The following RASAL2 variants were observed in gnomAD, a reference collection of about 807,000 sequenced individuals.
The protein encoded by RASAL2 is ras GTPase-activating protein nGAP.
A neutral mutation model predicts 128.9 loss-of-function variants in RASAL2; 58 were observed. The ratio of observed to expected loss-of-function variants is 0.45; its 90% CI spans 0.36 to 0.56. RASAL2 has a LOEUF of 0.56. Among genes scored for constraint, RASAL2 ranks in the 20% least tolerant of loss-of-function variants. RASAL2 has a pLI of 0.00. For missense variants in RASAL2, 1,360 were observed against 1,601.6 expected, an observed-to-expected ratio of 0.85 and a Z score of 2.57; for synonymous variants, 561 against 580.8, an observed-to-expected ratio of 0.97 and a Z score of 0.49.
At chr1:178,147,299 G>C (rs1406915421) in intron 1 of RASAL2, among the ~76,000 whole-genome samples, 1 of 151,756 alleles carries the variant, frequency 6.6e-6, no homozygotes, top group East Asian at 1.9e-4. Context: ...GACCATCCTG[G>C]GCAACATGGC....
chr1:178,437,254 A>G (rs1037845639), intron 5 of RASAL2, among the ~76,000 whole-genome samples: 3 of 152,256 alleles, frequency 2.0e-5, no homozygotes, highest in South Asian at 2.1e-4. Flanking sequence ...TTCTGCTTCT[A>G]TGGAAGACTT....
intron 1 of RASAL2, among the ~76,000 whole-genome samples, chr1:178,207,459 T>G (rs1472684209): frequency 6.6e-6 from 1 of 152,188 alleles, no homozygotes; most frequent in East Asian, 1.9e-4. Context: ...CTGGTGATAA[T>G]TTAAAATTGG....
At chr1:178,118,440 T>G (rs1659594118) in intron 1 of RASAL2, among the ~76,000 whole-genome samples, 1 of 152,148 alleles carries the variant, frequency 6.6e-6, no homozygotes, top group Non-Finnish European at 1.5e-5. Flanking sequence ...TGGTCTCATC[T>G]GGGGGTGATG....
At chr1:178,465,803 A>T (rs1401241452) in intron 15 of RASAL2, 117 bp from the exon 16 acceptor site, 5 of 950,464 alleles carry the variant, frequency 5.3e-6, no homozygotes, top group Non-Finnish European at 7.5e-6. Context: ...TTCTTTTGTT[A>T]AAAAAAAGAA....
At chr1:178,253,660 TG>T (rs1202382101) in intron 1 of RASAL2, among the ~76,000 whole-genome samples, 1 of 152,070 alleles carries the variant, frequency 6.6e-6, no homozygotes, top group African/African-American at 2.4e-5. Context: ...TCAAAGGGGT[TG>T]TTCTCTGGCG....
intron 1 of RASAL2, among the ~76,000 whole-genome samples, chr1:178,096,898 T>C (rs1658712157): frequency 1.3e-5 from 2 of 152,210 alleles, no homozygotes; most frequent in Non-Finnish European, 2.9e-5. Context: ...GCTATGTCCT[T>C]AGCTAGTTTT....
intron 1 of RASAL2, among the ~76,000 whole-genome samples, chr1:178,178,857 AC>A (rs1419436105): frequency 8.5e-5 from 13 of 152,172 alleles, no homozygotes; most frequent in Non-Finnish European, 1.3e-4. Flanking sequence ...AGGACCCGGC[AC>A]CTCTACTAAA....
intron 4 of RASAL2, among the ~76,000 whole-genome samples, chr1:178,405,424 G>T (rs1204656055): frequency 6.6e-6 from 1 of 152,204 alleles, no homozygotes; most frequent in Non-Finnish European, 1.5e-5. Context: ...TGTGGCAAAA[G>T]GGACTTTTGT....
At chr1:178,308,653 C>G (rs1229898973) in intron 3 of RASAL2, among the ~76,000 whole-genome samples, 2 of 148,286 alleles carry the variant, frequency 1.3e-5, no homozygotes, top group Non-Finnish European at 3.0e-5. Context: ...TCAACTGATT[C>G]TCCCACCTCC....
At chr1:178,286,048 C>A (rs1003814169) in intron 2 of RASAL2, among the ~76,000 whole-genome samples, 1 of 152,106 alleles carries the variant, frequency 6.6e-6, no homozygotes, top group African/African-American at 2.4e-5. Context: ...CCTGGGTAAC[C>A]CTCATCCACC....
intron 4 of RASAL2, among the ~76,000 whole-genome samples, chr1:178,402,362 C>T (rs1050078332): frequency 6.6e-6 from 1 of 151,692 alleles, no homozygotes. Context: ...TGAGATAACG[C>T]CACTGCACTC....
intron 16 of RASAL2, 147 bp downstream of exon 16, chr1:178,466,269 A>G (rs1004720572): frequency 1.5e-6 from 1 of 679,066 alleles, no homozygotes; most frequent in African/African-American, 1.9e-5. Context: ...TATCTCTTAA[A>G]ATATCCTAAA....
In RASAL2 at chr1:178,476,128, A is replaced by G. The variant is rs1159842781; in HGVS notation, c.*2889A>G. The G allele has an allele frequency of 6.6e-6, 1 of 152,242 alleles. No homozygotes were observed. The highest frequency in any genetic ancestry group is 6.5e-5 in the Admixed American group (1 of 15,282). 9.4% of individuals were successfully genotyped at this position (152,242 alleles called of 1,614,324 possible). ...ATAGATTAAGATAGCAATGTCTTGC[A>G]CTTCCTGTTTCCCTCAAAACAACAC... On this transcript the variant is annotated 3_prime_UTR_variant, in exon 18 of 18. Transcript: ENST00000367649.
chr1:178,293,360 G>C (rs563920262), intron 2 of RASAL2, among the ~76,000 whole-genome samples: 2 of 152,170 alleles, frequency 1.3e-5, no homozygotes, highest in Non-Finnish European at 2.9e-5. Context: ...CTTAATAAAA[G>C]AAGCAATTTG....
intron 4 of RASAL2, among the ~76,000 whole-genome samples, chr1:178,392,204 G>A (rs1461118547): frequency 1.3e-5 from 2 of 152,186 alleles, no homozygotes; most frequent in African/African-American, 2.4e-5. Context: ...AGATAAGTGA[G>A]CATGGTAACA....
At chr1:178,137,053 G>A (rs1275493814) in intron 1 of RASAL2, among the ~76,000 whole-genome samples, 1 of 152,126 alleles carries the variant, frequency 6.6e-6, no homozygotes, top group Non-Finnish European at 1.5e-5. Flanking sequence ...TTTTAATGTA[G>A]TTGAAACCAT....
At chr1:178,204,536 AT>A (rs1461703050) in intron 1 of RASAL2, among the ~76,000 whole-genome samples, 3 of 152,212 alleles carry the variant, frequency 2.0e-5, no homozygotes, top group Non-Finnish European at 2.9e-5. Flanking sequence ...AGTATTTTAT[AT>A]TTTAAAAGTG....
chr1:178,290,988 T>G, intron 2 of RASAL2, among the ~76,000 whole-genome samples: 1 of 152,144 alleles, frequency 6.6e-6, no homozygotes, highest in Non-Finnish European at 1.5e-5. Flanking sequence ...GTTTAGTTTT[T>G]AATTGTAATA....
At chr1:178,145,013 G>A (rs1242758325) in intron 1 of RASAL2, among the ~76,000 whole-genome samples, 1 of 152,114 alleles carries the variant, frequency 6.6e-6, no homozygotes, top group Admixed American at 6.5e-5. Flanking sequence ...TAAGTTCTGG[G>A]CCATTGATTT....
Sources: gnomAD v4.1 joint callset for allele counts (sites outside exome capture counted in the v4.1 genomes callset) on GRCh38, gnomAD v4.1.1 for gene constraint, MANE v1.5 for transcripts, NCBI Gene and HGNC (gene_info 2026-07-23, HGNC 2026-07-21) for gene names.